RABGAP1L: variants seen among roughly 807,000 people sequenced by gnomAD.
The protein encoded by RABGAP1L is RAB GTPase activating protein 1 like, also known as rab GTPase-activating protein 1-like.
In RABGAP1L, 63 loss-of-function variants were observed where a neutral mutation model predicts 137.7. The ratio of observed to expected loss-of-function variants is 0.46; its 90% CI spans 0.37 to 0.56. The LOEUF (loss-of-function observed/expected upper bound fraction) is 0.56. Ranked by LOEUF, RABGAP1L falls within the 20% of genes least tolerant of loss-of-function variation. The probability of loss-of-function intolerance (pLI) is 0.00; values close to 1 mark genes in which losing one functional copy is unlikely to be tolerated. For missense variants in RABGAP1L, 1,095 were observed against 1,244.0 expected, an observed-to-expected ratio of 0.88 and a Z score of 1.80; for synonymous variants, 431 against 433.7, an observed-to-expected ratio of 0.99 and a Z score of 0.08.
At position 174,761,021 on chromosome 1, in the gene RABGAP1L, G is replaced by A. The variant is rs957577479; in HGVS notation, c.2211+8667G>A. ...CAAGAGACAGTTGATAATTGTATTA[G>A]TTCATTTTCACACTGCTGATAAAGA... On this transcript the variant is annotated intron_variant, in intron 18 of 25. Transcript: ENST00000681986. This position sits in a 1 kb window ranked among gnomAD's most constrained non-coding sequence, Gnocchi z 4.0. Among the ~76,000 whole-genome samples the A allele has an allele frequency of 3.9e-5, 6 of 152,126 alleles. No homozygotes were observed. The highest frequency in any genetic ancestry group is 2.0e-4 in the Admixed American group (3 of 15,270).
intron 13 of RABGAP1L, among the ~76,000 whole-genome samples, chr1:174,439,201 G>C (rs1413826749): frequency 1.3e-5 from 2 of 152,110 alleles, no homozygotes; most frequent in Non-Finnish European, 2.9e-5. Flanking sequence ...TATTATGCTA[G>C]ATGTAGGTTT....
chr1:174,193,435 G>A (rs1667349927), intron 1 of RABGAP1L, among the ~76,000 whole-genome samples: 1 of 152,192 alleles, frequency 6.6e-6, no homozygotes, highest in South Asian at 2.1e-4. Flanking sequence ...GGGAGGCTGA[G>A]GCATGAGAAT....
At chr1:174,881,320 T>C (rs553537566) in intron 19 of RABGAP1L, among the ~76,000 whole-genome samples, 23 of 152,216 alleles carry the variant, frequency 1.5e-4, no homozygotes, top group African/African-American at 5.5e-4. Flanking sequence ...AATATTGTTT[T>C]ATATATCAAA....
At chr1:174,516,163 A>ACACACG in intron 13 of RABGAP1L, among the ~76,000 whole-genome samples, 1 of 150,224 alleles carries the variant, frequency 6.7e-6, no homozygotes, top group East Asian at 1.9e-4. Flanking sequence ...ACACACACAC[A>ACACACG]CACGCTTTGA....
intron 19 of RABGAP1L, among the ~76,000 whole-genome samples, chr1:174,841,124 A>G (rs1793305): frequency 0.65 from 98,200 of 152,024 alleles, 34,234 homozygotes; most frequent in East Asian, 0.93. Context: ...GACAACAACT[A>G]AGAGAAAGAA....
At chr1:174,818,856 G>T (rs544480718) in intron 19 of RABGAP1L, among the ~76,000 whole-genome samples, 92 of 144,300 alleles carry the variant, frequency 6.4e-4, no homozygotes, top group African/African-American at 2.2e-3. Flanking sequence ...CAGTAAAAAA[G>T]AAAAAAAAAA....
chr1:174,448,311 G>A lies in RABGAP1L; in HGVS notation c.1710+54166G>A. The A allele has an allele frequency of 6.2e-7, 1 of 1,613,102 alleles. No homozygotes were observed. The highest frequency in any genetic ancestry group is 8.5e-7 in the Non-Finnish European group (1 of 1,179,104). On this transcript the variant is annotated intron_variant, in intron 13 of 25. Coordinates refer to ENST00000681986, the MANE Select transcript of RABGAP1L (RefSeq NM_001366446.1). The surrounding 1 kb of genome is among the most constrained non-coding windows in gnomAD (Gnocchi z 4.2). The stretch of plus-strand genomic sequence containing the variant: ...CTAACAGTTATCTTTGTCTTTCATT[G>A]TGCTCCACTGTTACATCATTATACT...
At chr1:174,922,431 A>G in intron 19 of RABGAP1L, 1 of 168,022 alleles carries the variant, frequency 6.0e-6, no homozygotes. Context: ...TTCCTTCTTT[A>G]TTTGTCATCT....
At chr1:174,482,978 G>A (rs929569008) in intron 13 of RABGAP1L, among the ~76,000 whole-genome samples, 1 of 151,914 alleles carries the variant, frequency 6.6e-6, no homozygotes, top group African/African-American at 2.4e-5. Flanking sequence ...TTACCCTTTA[G>A]CATTTTTTTA....
intron 14 of RABGAP1L, among the ~76,000 whole-genome samples, chr1:174,656,254 C>T (rs1211571105): frequency 9.2e-5 from 14 of 152,068 alleles, no homozygotes; most frequent in Non-Finnish European, 1.5e-4. Context: ...GTCAGGAGTT[C>T]GAGACCAGCC....
In RABGAP1L at chr1:174,811,905, G is replaced by C; in HGVS notation, c.2285G>C (p.Arg762Thr). The change falls in exon 19 of 26, where the codon AGA (arginine) becomes ACA (threonine). Residue 762 changes from arginine to threonine, a missense_variant. Arg to Thr is a moderately conservative substitution (Grantham distance 71). Transcript: ENST00000681986. ...TTCTTTAGAGTTCAGCTTCCAAAGA[G>C]ATACAGGGCAGAGGAAAATGCAAGA... is the stretch of plus-strand genomic sequence containing the variant. Reference protein sequence around the residue: ...LKFFRVQLPKRYRAEENARRL... With the variant: ...LKFFRVQLPKTYRAEENARRL... 2 of 1,609,772 alleles carry C rather than the reference G, an allele frequency of 1.2e-6. No individual in the cohort carries two copies. Among genetic ancestry groups the C allele is most frequent in the South Asian group, 1.1e-5 (1 of 90,002 alleles).
chr1:174,971,275 A>C (rs1432054861), intron 21 of RABGAP1L, among the ~76,000 whole-genome samples: 1 of 150,932 alleles, frequency 6.6e-6, no homozygotes, highest in Non-Finnish European at 1.5e-5. Flanking sequence ...TATAATACTA[A>C]ATAATATATA....
At chr1:174,389,037 T>A (rs1046333767) in intron 12 of RABGAP1L, among the ~76,000 whole-genome samples, 4 of 151,884 alleles carry the variant, frequency 2.6e-5, no homozygotes, top group Non-Finnish European at 5.9e-5. Flanking sequence ...AATTGATACA[T>A]ATTTAGTAGG....
At chr1:174,550,504 G>A (rs1214975049) in intron 13 of RABGAP1L, among the ~76,000 whole-genome samples, 2 of 152,020 alleles carry the variant, frequency 1.3e-5, no homozygotes, top group Non-Finnish European at 2.9e-5. Flanking sequence ...GTCAGCCAGC[G>A]ACTACTCTTG....
At chr1:174,686,381 C>G (rs1395349431) in intron 15 of RABGAP1L, among the ~76,000 whole-genome samples, 1 of 151,978 alleles carries the variant, frequency 6.6e-6, no homozygotes, top group African/African-American at 2.4e-5. Flanking sequence ...TTTGATTTCT[C>G]TACATCTCAC....
chr1:174,779,171 G>A (rs1370525556), intron 18 of RABGAP1L, among the ~76,000 whole-genome samples: 1 of 152,084 alleles, frequency 6.6e-6, no homozygotes, highest in African/African-American at 2.4e-5. Context: ...AGTTGAACTT[G>A]AGTACTGTTT....
chr1:174,376,212 GAGAAGGAAGGAAGGAAAGGAA>G (rs1490136481), intron 12 of RABGAP1L, among the ~76,000 whole-genome samples: 2 of 149,612 alleles, frequency 1.3e-5, no homozygotes, highest in East Asian at 3.9e-4. Context: ...AAGAAAGAAA[GAGAAGGAAGGAAGGAAAGGAA>G]AGAAGGAAGG....
chr1:174,812,861 G>C (rs944639750), intron 19 of RABGAP1L, among the ~76,000 whole-genome samples: 13 of 152,146 alleles, frequency 8.5e-5, no homozygotes, highest in African/African-American at 3.1e-4. Context: ...TAGTCATGGA[G>C]ATGTCCTGGG....
intron 19 of RABGAP1L, among the ~76,000 whole-genome samples, chr1:174,828,683 T>C (rs1691824992): frequency 6.7e-6 from 1 of 148,570 alleles, no homozygotes; most frequent in Non-Finnish European, 1.5e-5. Flanking sequence ...AAGCATTGGC[T>C]AAATTAATTC....
Sources: gnomAD v4.1 joint callset for allele counts (sites outside exome capture counted in the v4.1 genomes callset) on GRCh38, gnomAD v4.1.1 for gene constraint, Gnocchi (gnomAD v3.1) non-coding constraint, MANE v1.5 for transcripts, NCBI Gene and HGNC (gene_info 2026-07-23, HGNC 2026-07-21) for gene names.